Variants in TMEM268 observed in about 807,000 individuals in gnomAD.
The protein encoded by TMEM268 is transmembrane protein 268.
Under a neutral mutation model 39.1 loss-of-function variants are expected in TMEM268, and 24 were observed. That is an observed-to-expected ratio of 0.61 (90% CI 0.44 to 0.86). TMEM268 has a LOEUF of 0.86. Ranked by LOEUF, TMEM268 falls within the 40% of genes least tolerant of loss-of-function variation. TMEM268 has a pLI of 0.00. For synonymous variants in TMEM268, 176 were observed against 173.5 expected (o/e 1.01, Z -0.12); for missense variants, 409 against 428.6 (o/e 0.95, Z 0.40).
chr9:114,616,605 A>T (rs1845723147), intron 1 of TMEM268, among the ~76,000 whole-genome samples: 1 of 147,314 alleles, frequency 6.8e-6, no homozygotes, highest in African/African-American at 2.5e-5. Flanking sequence ...ACCTCAGGTG[A>T]TCCACCCACC....
At chr9:114,612,362 C>T (rs1190320751) in intron 1 of TMEM268, among the ~76,000 whole-genome samples, 3 of 152,104 alleles carry the variant, frequency 2.0e-5, no homozygotes, top group South Asian at 2.1e-4. Context: ...CAGAGGAGAC[C>T]CAGAGAAGCT....
chr9:114,607,396 C>G (rs752720465), upstream of TMEM268, among the ~76,000 whole-genome samples: 1 of 152,128 alleles, frequency 6.6e-6, no homozygotes, highest in Non-Finnish European at 1.5e-5. Flanking sequence ...TGGCTTACAC[C>G]TGTAATCCCA....
At chr9:114,624,139 C>T in intron 2 of TMEM268, 1 of 1,032,948 alleles carries the variant, frequency 9.7e-7, no homozygotes, top group Non-Finnish European at 1.3e-6. Context: ...GTCCTAGGAG[C>T]CTCCTCCCTC....
In TMEM268 at chr9:114,643,541, G is replaced by T; in HGVS notation, c.*228G>T. 1 of 544,852 alleles carries T rather than the reference G, an allele frequency of 1.8e-6. No homozygotes were observed. The highest frequency in any genetic ancestry group is 2.3e-5 in the South Asian group (1 of 43,866). 33.8% of individuals were successfully genotyped at this position (544,852 alleles called of 1,614,324 possible). On this transcript the variant is annotated 3_prime_UTR_variant, in exon 9 of 9. Transcript: ENST00000288502. ...CCCCTGGCCTTTGCAGAAGCTGATG[G>T]TTACAGAGCTAGTCCCACCAAAGCT...
chr9:114,625,974 G>A (rs1286989693), intron 3 of TMEM268, among the ~76,000 whole-genome samples: 1 of 151,260 alleles, frequency 6.6e-6, no homozygotes, highest in South Asian at 2.1e-4. Context: ...TTACAGGCAC[G>A]TGCCACCATG....
At chr9:114,617,417 C>T in intron 2 of TMEM268, 116 bp downstream of exon 2, 3 of 801,710 alleles carry the variant, frequency 3.7e-6, no homozygotes, top group Non-Finnish European at 6.4e-6. Flanking sequence ...AGGCCATATT[C>T]TGTCATTTTT....
chr9:114,630,057 C>T (rs7039782), intron 5 of TMEM268, among the ~76,000 whole-genome samples: 7,139 of 152,274 alleles, frequency 0.047, 216 homozygotes, highest in East Asian at 0.13. Context: ...TGGCACCTGA[C>T]AGGTGCTTCG....
upstream of TMEM268, among the ~76,000 whole-genome samples, chr9:114,607,857 G>C (rs1338089700): frequency 6.6e-6 from 1 of 152,106 alleles, no homozygotes; most frequent in Non-Finnish European, 1.5e-5. Context: ...AGATGGGAGA[G>C]AATGGCAACC....
At chr9:114,636,954 T>G (rs762929157) in intron 6 of TMEM268, 36 bp from the exon 7 acceptor site, 1 of 1,491,796 alleles carries the variant, frequency 6.7e-7, no homozygotes, top group Non-Finnish European at 9.4e-7. Flanking sequence ...TGGGCTGCCC[T>G]TGAGCCACGG....
chr9:114,604,585 C>CA, the TMEM268 span, among the ~76,000 whole-genome samples: 51,507 of 81,454 alleles, frequency 0.63, 15,866 homozygotes, highest in Non-Finnish European at 0.68. Context: ...GACTCCGTCT[C>CA]AAAAAAAAAA....
chr9:114,632,555 T>C (rs2133679821), intron 5 of TMEM268, among the ~76,000 whole-genome samples: 1 of 152,302 alleles, frequency 6.6e-6, no homozygotes, highest in African/African-American at 2.4e-5. Context: ...CCCAGCTGAA[T>C]GCGTGGCGTC....
rs1589346046 is a variant in TMEM268, at chr9:114,628,760, T to G, written c.474+510T>G. On this transcript the variant is annotated intron_variant, in intron 5 of 8. Coordinates refer to ENST00000288502, the MANE Select transcript of TMEM268 (RefSeq NM_153045.4). ...GAGGCAAGGTGGGTGGTCCGAGAGT[T>G]TAGGTAACTTGTCCTGGATCCCACT... 2.6e-5 allele frequency among the ~76,000 whole-genome samples: 4 copies of G among 152,230 alleles called. No individual in the cohort carries two copies. The South Asian group carries it at 8.3e-4, about 32-fold the overall frequency.
In TMEM268 at chr9:114,637,378, C is replaced by T. The variant is rs139799302; in HGVS notation, c.666+308C>T. ...AGTGATCTCTGCTCACTGCAGCCTT[C>T]GCTTCGTGGGTTCAAGCGATTCTCC... On this transcript the variant is annotated intron_variant, in intron 7 of 8. Transcript: ENST00000288502. 9.6e-3 allele frequency among the ~76,000 whole-genome samples: 1,443 copies of T among 150,762 alleles called. 13 individuals carry two copies. Among genetic ancestry groups the T allele is most frequent in the South Asian group, 0.055 (265 of 4,790 alleles).
chr9:114,607,376 C>A (rs1383781430), upstream of TMEM268, among the ~76,000 whole-genome samples: 3 of 152,148 alleles, frequency 2.0e-5, no homozygotes, highest in Non-Finnish European at 4.4e-5. Context: ...AAGAGTAGGG[C>A]TGGACGCAGT....
At chr9:114,610,848 T>C (rs1845459486), upstream of TMEM268, among the ~76,000 whole-genome samples, 1 of 152,170 alleles carries the variant, frequency 6.6e-6, no homozygotes, top group Non-Finnish European at 1.5e-5. Flanking sequence ...TAATAAGAAG[T>C]GGAGAGACCC....
At chr9:114,624,229 TC>T in intron 2 of TMEM268, 120 bp from the exon 3 acceptor site, 1 of 1,478,752 alleles carries the variant, frequency 6.8e-7, no homozygotes, top group Non-Finnish European at 9.0e-7. Context: ...GGCCACCGTG[TC>T]CCTCCTTGTT....
intron 7 of TMEM268, 30 bp downstream of exon 7, chr9:114,637,100 A>G: frequency 1.2e-5 from 17 of 1,451,380 alleles, no homozygotes; most frequent in Non-Finnish European, 1.6e-5. Flanking sequence ...AAAACAAAAC[A>G]AAAACCAGGA....
At chr9:114,624,235 C>A in intron 2 of TMEM268, 115 bp from the exon 3 acceptor site, 2 of 1,489,764 alleles carry the variant, frequency 1.3e-6, no homozygotes, top group Non-Finnish European at 1.8e-6. Context: ...CGTGTCCCTC[C>A]TTGTTGCGAG....
At chr9:114,642,794 A>C (rs1827413266) in intron 8 of TMEM268, among the ~76,000 whole-genome samples, 1 of 152,072 alleles carries the variant, frequency 6.6e-6, no homozygotes, top group Non-Finnish European at 1.5e-5. Context: ...TAGGCTTAAA[A>C]AATTAGATAA....
Sources: gnomAD v4.1 joint callset for allele counts (sites outside exome capture counted in the v4.1 genomes callset) on GRCh38, gnomAD v4.1.1 for gene constraint, MANE v1.5 for transcripts, NCBI Gene and HGNC (gene_info 2026-07-23, HGNC 2026-07-21) for gene names.